PDE4D: variants seen among roughly 807,000 people sequenced by gnomAD.
PDE4D encodes phosphodiesterase 4D.
PDE4D carries 24 observed loss-of-function variants against 87.4 expected under a neutral mutation model. That is an observed-to-expected ratio of 0.27 (90% CI 0.20 to 0.39). PDE4D has a LOEUF of 0.39. PDE4D is among the 10% of genes least tolerant of loss of function. The pLI is 1.00. For synonymous variants in PDE4D, 384 were observed against 383.2 expected (o/e 1.00, Z -0.02); for missense variants, 714 against 1,041.0 (o/e 0.69, Z 4.32).
At chr5:59,443,431 C>T (rs1249004062) in intron 1 of PDE4D, among the ~76,000 whole-genome samples, 1 of 151,946 alleles carries the variant, frequency 6.6e-6, no homozygotes, top group Admixed American at 6.5e-5. Flanking sequence ...TTTTTATTTC[C>T]ATAAAAGAAA....
chr5:59,377,870 G>A (rs1784993813), intron 1 of PDE4D, among the ~76,000 whole-genome samples: 2 of 152,112 alleles, frequency 1.3e-5, no homozygotes, highest in Non-Finnish European at 1.5e-5. Flanking sequence ...AAGACAGTGT[G>A]GCAATTCCTC....
intron 1 of PDE4D, chr5:59,216,682 G>A (rs1363084418): frequency 1.3e-5 from 2 of 154,466 alleles, no homozygotes; most frequent in African/African-American, 4.8e-5. Flanking sequence ...CAGCTATTGG[G>A]TACTTCTTGC....
At chr5:58,996,616 G>A (rs1749293597) in intron 6 of PDE4D, among the ~76,000 whole-genome samples, 1 of 152,118 alleles carries the variant, frequency 6.6e-6, no homozygotes, top group East Asian at 1.9e-4. Flanking sequence ...GATTGATAAA[G>A]ATAGATAGAG....
At chr5:59,013,859 A>C (rs542328186) in intron 6 of PDE4D, among the ~76,000 whole-genome samples, 66 of 152,284 alleles carry the variant, frequency 4.3e-4, no homozygotes, top group Middle Eastern at 3.4e-3. Flanking sequence ...AGAATTTTAG[A>C]CCAACATCCA....
chr5:59,936,131 T>C (rs1756546666), intron 3 of PDE4D, among the ~76,000 whole-genome samples: 1 of 151,960 alleles, frequency 6.6e-6, no homozygotes, highest in South Asian at 2.1e-4. Context: ...AAACACCGCA[T>C]GTTCTCACTC....
chr5:59,277,672 G>A (rs1765074161), intron 1 of PDE4D, among the ~76,000 whole-genome samples: 1 of 152,146 alleles, frequency 6.6e-6, no homozygotes, highest in South Asian at 2.1e-4. Context: ...ATCAGAGAAT[G>A]TAATGTCTGA....
rs923553848 is a variant in PDE4D at position 59,758,132 on chromosome 5, T to C, written c.455+135036A>G. Among the ~76,000 whole-genome samples, 10 of 152,162 alleles carry C rather than the reference T, an allele frequency of 6.6e-5. No individual in the cohort carries two copies. The East Asian group carries it at 1.9e-3, about 29-fold the overall frequency. ...GAAAGAAAGAACACACGATGGAGAG[T>C]TAGGAAGACTTGGGTTCAAGTTTTA... On this transcript the variant is annotated intron_variant, in intron 1 of 14. Transcript: ENST00000340635.
At chr5:60,295,418 G>A (rs76144881) in intron 1 of PDE4D, among the ~76,000 whole-genome samples, 4,986 of 152,248 alleles carry the variant, frequency 0.033, 126 homozygotes, top group Middle Eastern at 0.085. Flanking sequence ...TTACTACCTT[G>A]TTCCCAATCT....
At chr5:59,394,258 C>A (rs1788856690) in intron 1 of PDE4D, among the ~76,000 whole-genome samples, 1 of 152,200 alleles carries the variant, frequency 6.6e-6, no homozygotes, top group South Asian at 2.1e-4. Context: ...AAGCATTATG[C>A]AGGTTGCTCA....
chr5:60,155,136 G>A (rs994571319), intron 2 of PDE4D, among the ~76,000 whole-genome samples: 4 of 152,172 alleles, frequency 2.6e-5, no homozygotes, highest in South Asian at 2.1e-4. Flanking sequence ...TGGGTCATAG[G>A]TTATGCATTT....
At chr5:59,578,702 T>C (rs1823574120) in intron 1 of PDE4D, among the ~76,000 whole-genome samples, 1 of 152,080 alleles carries the variant, frequency 6.6e-6, no homozygotes, top group Admixed American at 6.6e-5. Flanking sequence ...TTCCATTTAA[T>C]ACTTCCCAGA....
chr5:59,582,835 CAA>C (rs1417295731), intron 1 of PDE4D, among the ~76,000 whole-genome samples: 2 of 152,170 alleles, frequency 1.3e-5, no homozygotes, highest in Admixed American at 6.5e-5. Context: ...CTCAGCATCA[CAA>C]AGACAGTTTA....
Position 60,028,632 on chromosome 5 carries a change from C to A in PDE4D, c.43-39915G>T, listed in dbSNP as rs16890447. 7.0e-3 allele frequency among the ~76,000 whole-genome samples: 1,063 copies of A among 152,236 alleles called. 10 individuals are homozygous for A. Among genetic ancestry groups the A allele is most frequent in the African/African-American group, 0.024 (1,012 of 41,520 alleles). On this transcript the variant is annotated intron_variant, in intron 2 of 16. Transcript: ENST00000502484. ...AAAAATGAGTAAAATCCATGAAATG[C>A]CCCTGATCCATATTCCTAGTTTACA...
At chr5:59,266,270 AAT>A (rs34379829) in intron 1 of PDE4D, among the ~76,000 whole-genome samples, 56,895 of 149,384 alleles carry the variant, frequency 0.38, 11,172 homozygotes, top group Non-Finnish European at 0.45. Context: ...CCTGTCTCTA[AAT>A]ATATATATAT....
chr5:59,309,405 T>A (rs1772118509), intron 1 of PDE4D, among the ~76,000 whole-genome samples: 1 of 152,216 alleles, frequency 6.6e-6, no homozygotes, highest in Non-Finnish European at 1.5e-5. Context: ...GATGGCCTGC[T>A]AGGGGACTCA....
At chr5:60,242,863 G>A (rs1747282858) in intron 1 of PDE4D, among the ~76,000 whole-genome samples, 2 of 151,766 alleles carry the variant, frequency 1.3e-5, no homozygotes, top group Admixed American at 1.3e-4. Context: ...AGTTTTAAGT[G>A]CCCACATCAA....
At chr5:60,015,606 G>A (rs1186112388) in intron 2 of PDE4D, among the ~76,000 whole-genome samples, 1 of 152,118 alleles carries the variant, frequency 6.6e-6, no homozygotes, top group Non-Finnish European at 1.5e-5. Flanking sequence ...TGGATATTTG[G>A]TCAAACATAT....
intron 1 of PDE4D, chr5:59,314,407 C>T (rs1773278740): frequency 6.6e-6 from 1 of 152,072 alleles, no homozygotes; most frequent in Admixed American, 6.6e-5. Flanking sequence ...GGATTAGCTG[C>T]CCCATACAGA....
At chr5:59,621,063 TTGTAAAAGTTCA>T (rs1393180839) in intron 1 of PDE4D, among the ~76,000 whole-genome samples, 1 of 139,166 alleles carries the variant, frequency 7.2e-6, no homozygotes, top group African/African-American at 2.9e-5. Context: ...CCCACTTTCT[TTGTAAAAGTTCA>T]ATTGTAAAAG....
Sources: allele counts gnomAD v4.1 joint callset (sites outside exome capture counted in the v4.1 genomes callset), GRCh38; gene constraint gnomAD v4.1.1; transcripts MANE v1.5; gene names NCBI Gene and HGNC (gene_info 2026-07-23, HGNC 2026-07-21).